The following AGTPBP1 variants were observed in gnomAD, a reference collection of about 807,000 sequenced individuals.
AGTPBP1 encodes ATP/GTP binding carboxypeptidase 1, also known as cytosolic carboxypeptidase 1.
A neutral mutation model predicts 143.9 loss-of-function variants in AGTPBP1; 70 were observed. That is an observed-to-expected ratio of 0.49 (90% CI 0.40 to 0.59). AGTPBP1 has a LOEUF of 0.59. AGTPBP1 is among the 20% of genes least tolerant of loss of function. AGTPBP1 has a pLI of 0.00. For synonymous variants in AGTPBP1, 463 were observed against 500.2 expected, an observed-to-expected ratio of 0.93 and a Z score of 0.99; for missense variants, 1,229 against 1,464.5, an observed-to-expected ratio of 0.84 and a Z score of 2.62.
intron 17 of AGTPBP1, among the ~76,000 whole-genome samples, chr9:85,603,304 T>C (rs1451229968): frequency 6.6e-6 from 1 of 152,108 alleles, no homozygotes; most frequent in African/African-American, 2.4e-5. Context: ...CTTTGTCTTG[T>C]AACTTGGATA....
At chr9:85,721,639 G>C (rs1838129386) in intron 1 of AGTPBP1, among the ~76,000 whole-genome samples, 1 of 152,024 alleles carries the variant, frequency 6.6e-6, no homozygotes, top group South Asian at 2.1e-4. Context: ...GCCAGTCTAT[G>C]TCTTTTAATT....
intron 14 of AGTPBP1, among the ~76,000 whole-genome samples, chr9:85,623,509 C>A (rs550705504): frequency 6.6e-6 from 1 of 152,144 alleles, no homozygotes; most frequent in South Asian, 2.1e-4. Flanking sequence ...AATCTCAGCA[C>A]TCTGGGAGGC....
the AGTPBP1 span, among the ~76,000 whole-genome samples, chr9:85,789,705 A>G: frequency 6.6e-6 from 1 of 152,156 alleles, no homozygotes; most frequent in African/African-American, 2.4e-5. Context: ...CGGCAAAAAT[A>G]TGATCTTCAT....
At chr9:85,697,445 GTTTTTTTTTTTTTT>G (rs758082233) in intron 2 of AGTPBP1, among the ~76,000 whole-genome samples, 8 of 65,072 alleles carry the variant, frequency 1.2e-4, no homozygotes, top group Non-Finnish European at 2.1e-4. Context: ...TTTGTTTTTT[GTTTTTTTTTTTTTT>G]TTTTTTTTTT....
chr9:85,688,238 A>G (rs1020362010), intron 3 of AGTPBP1, among the ~76,000 whole-genome samples: 1 of 152,148 alleles, frequency 6.6e-6, no homozygotes, highest in Non-Finnish European at 1.5e-5. Flanking sequence ...TTAATTCTTT[A>G]AAAATATCAA....
At chr9:85,764,679 C>T in the AGTPBP1 span, 6,895 of 843,642 alleles carry the variant, frequency 8.2e-3, 135 homozygotes, top group African/African-American at 0.063. Flanking sequence ...TAACTGTTTT[C>T]GGGGTGTCTG....
chr9:85,746,817 T>C (rs1381141110), upstream of AGTPBP1, among the ~76,000 whole-genome samples: 1 of 152,130 alleles, frequency 6.6e-6, no homozygotes, highest in Non-Finnish European at 1.5e-5. Context: ...ACTATAGTAA[T>C]CATTTCACTA....
the AGTPBP1 span, among the ~76,000 whole-genome samples, chr9:85,782,509 C>CT: frequency 6.6e-6 from 1 of 151,874 alleles, no homozygotes; most frequent in Non-Finnish European, 1.5e-5. Flanking sequence ...GAGCGAAACT[C>CT]TGTCTCAAAA....
intron 25 of AGTPBP1, among the ~76,000 whole-genome samples, chr9:85,557,636 T>C (rs569625318): frequency 6.6e-6 from 1 of 152,184 alleles, no homozygotes; most frequent in African/African-American, 2.4e-5. Flanking sequence ...AAATTATACA[T>C]TAAAAATAAG....
chr9:85,749,878 T>G, the AGTPBP1 span, among the ~76,000 whole-genome samples: 1 of 110,198 alleles, frequency 9.1e-6, no homozygotes, highest in Non-Finnish European at 1.8e-5. Context: ...GAAGTACTCC[T>G]GTATCCCTTT....
intron 2 of AGTPBP1, among the ~76,000 whole-genome samples, chr9:85,700,979 G>A (rs947321174): frequency 1.3e-5 from 2 of 151,788 alleles, no homozygotes; most frequent in African/African-American, 4.8e-5. Flanking sequence ...GTGCAGTGGC[G>A]CAATCTCGGC....
At chr9:85,723,407 G>C (rs1050151415) in intron 1 of AGTPBP1, among the ~76,000 whole-genome samples, 1 of 152,272 alleles carries the variant, frequency 6.6e-6, no homozygotes, top group African/African-American at 2.4e-5. Flanking sequence ...AATGGCGGAC[G>C]CCCCTCCCCC....
chr9:85,670,120 T>C (rs765584299), intron 7 of AGTPBP1, among the ~76,000 whole-genome samples: 3 of 151,460 alleles, frequency 2.0e-5, no homozygotes, highest in Admixed American at 2.0e-4. Flanking sequence ...AGGGCAGGAG[T>C]AGAGGTAAAG....
intron 14 of AGTPBP1, among the ~76,000 whole-genome samples, chr9:85,627,260 A>G (rs1021238770): frequency 3.8e-4 from 57 of 151,654 alleles, no homozygotes; most frequent in African/African-American, 6.3e-4. Flanking sequence ...ATGTGCGCGC[A>G]CACACACACA....
intron 11 of AGTPBP1, among the ~76,000 whole-genome samples, chr9:85,649,274 A>G (rs912533176): frequency 3.9e-5 from 6 of 152,202 alleles, no homozygotes; most frequent in East Asian, 3.8e-4. Context: ...TGCACATTCT[A>G]TAAGGACTGG....
At chr9:85,623,843 T>G (rs967493215) in intron 14 of AGTPBP1, among the ~76,000 whole-genome samples, 2 of 151,966 alleles carry the variant, frequency 1.3e-5, no homozygotes, top group Non-Finnish European at 2.9e-5. Context: ...GAATGACAAC[T>G]CTTCCTTCCT....
chr9:85,593,012 T>C (rs1305707693), intron 18 of AGTPBP1, among the ~76,000 whole-genome samples: 1 of 152,138 alleles, frequency 6.6e-6, no homozygotes, highest in Admixed American at 6.6e-5. Context: ...AAAATGATCA[T>C]CAATGGCTAC....
chr9:85,802,376 C>T, the AGTPBP1 span, among the ~76,000 whole-genome samples: 1 of 152,130 alleles, frequency 6.6e-6, no homozygotes, highest in Non-Finnish European at 1.5e-5. Context: ...AATCTCAGTC[C>T]TGGTTACTGC....
In AGTPBP1 at chr9:85,651,268, T is replaced by C. The variant is rs374328528; in HGVS notation, c.1087+3875A>G. 5.9e-5 allele frequency among the ~76,000 whole-genome samples: 9 copies of C among 152,318 alleles called. No individual in the cohort carries two copies. The South Asian group carries it at 1.2e-3, about 21-fold the overall frequency. ...GTCCATAGTCTCCAAAGGCCACCCA[T>C]GTATTTCTATGGGTCAATGGACTCC... On this transcript the variant is annotated intron_variant, in intron 11 of 25. Transcript: ENST00000357081.
Sources: allele counts gnomAD v4.1 joint callset (sites outside exome capture counted in the v4.1 genomes callset), GRCh38; gene constraint gnomAD v4.1.1; transcripts MANE v1.5; gene names NCBI Gene and HGNC (gene_info 2026-07-23, HGNC 2026-07-21).